Variants in SHANK1 observed in about 807,000 individuals in gnomAD.
SHANK1 encodes SH3 and multiple ankyrin repeat domains protein 1.
A neutral mutation model predicts 165.6 loss-of-function variants in SHANK1; 35 were observed. The observed-to-expected ratio is 0.21, with a 90% CI of 0.16 to 0.28. SHANK1 has a LOEUF of 0.28. SHANK1 is among the 10% of genes least tolerant of loss of function. The pLI is 1.00. For missense variants in SHANK1, 2,681 were observed against 3,036.4 expected (o/e 0.88, Z 2.75); for synonymous variants, 1,428 against 1,384.8 (o/e 1.03, Z -0.69).
In SHANK1 at chr19:50,688,067, C is replaced by T; in HGVS notation, c.2173-9G>A. On this transcript the variant is annotated splice_polypyrimidine_tract_variant and intron_variant, in intron 17 of 23. Transcript: ENST00000293441. This position sits in a 1 kb window ranked among gnomAD's most constrained non-coding sequence, Gnocchi z 6.7. ...ACATTCTGCCCGTTCACCTGTGGCA[C>T]AGACACCCCCAGATCACACAGAGTA... 1 of 1,613,828 alleles carries T rather than the reference C, an allele frequency of 6.2e-7. No homozygotes were observed. The highest frequency in any genetic ancestry group is 8.5e-7 in the Non-Finnish European group (1 of 1,179,956).
chr19:50,698,699 G>T (rs1239524463), intron 12 of SHANK1, among the ~76,000 whole-genome samples: 1 of 152,212 alleles, frequency 6.6e-6, no homozygotes, highest in Non-Finnish European at 1.5e-5. Flanking sequence ...GAACACTGAG[G>T]CTTGGAGAGC....
chr19:50,661,745 A>C lies in SHANK1; in HGVS notation c.*220T>G. On this transcript the variant is annotated 3_prime_UTR_variant, in exon 24 of 24. Transcript: ENST00000293441. ...CCCCCCTCCGCTCCCCGCTTCACAC[A>C]CACACACACACTCTTGTGTCAGCTG... 2 of 543,086 alleles carry C rather than the reference A, an allele frequency of 3.7e-6. No homozygotes were observed. Among genetic ancestry groups the C allele is most frequent in the Non-Finnish European group, 3.3e-6 (1 of 305,546 alleles). 33.6% of individuals were successfully genotyped at this position (543,086 alleles called of 1,614,324 possible).
At chr19:50,692,287 G>T (rs538982923) in intron 15 of SHANK1, among the ~76,000 whole-genome samples, 38 of 151,862 alleles carry the variant, frequency 2.5e-4, no homozygotes, top group African/African-American at 7.7e-4. Context: ...CAAGCACTTT[G>T]CATTTATATA....
rs1363778710 is a variant in SHANK1, at chr19:50,670,841, T to G, written c.2674+1177A>C. Reference sequence around the variant, plus strand: ...CAGAGTCTCGCTCTGTCGCCCAGGCTGGAGTGCAATGGTGCGATCTTTGCT... The same window carrying G: ...CAGAGTCTCGCTCTGTCGCCCAGGCGGGAGTGCAATGGTGCGATCTTTGCT... On this transcript the variant is annotated intron_variant, in intron 22 of 23. Coordinates refer to ENST00000293441, the MANE Select transcript of SHANK1 (RefSeq NM_016148.5). The surrounding 1 kb of genome is among the most constrained non-coding windows in gnomAD (Gnocchi z 4.1). 6.6e-6 allele frequency among the ~76,000 whole-genome samples: 1 copy of G among 152,098 alleles called. No homozygotes were observed. The highest frequency in any genetic ancestry group is 2.4e-5 in the African/African-American group (1 of 41,414).
intron 15 of SHANK1, among the ~76,000 whole-genome samples, chr19:50,693,862 C>G (rs1009443750): frequency 2.6e-5 from 4 of 152,128 alleles, no homozygotes; most frequent in African/African-American, 9.7e-5. Context: ...CACAGACCCC[C>G]GGGGGCAAGG....
intron 19 of SHANK1, 190 bp from the exon 20 acceptor site, chr19:50,687,002 C>G: frequency 6.8e-7 from 1 of 1,477,254 alleles, no homozygotes; most frequent in Non-Finnish European, 8.9e-7. Flanking sequence ...TCCCGCCAGT[C>G]CTGTGCCCAC....
In SHANK1 at chr19:50,661,927, G is replaced by C. The variant is rs749983025; in HGVS notation, c.*38C>G. The C allele has an allele frequency of 1.9e-6, 3 of 1,611,228 alleles. No homozygotes were observed. In the African/African-American group the frequency reaches 4.0e-5, roughly 22 times the overall value. On this transcript the variant is annotated 3_prime_UTR_variant, in exon 24 of 24. Transcript: ENST00000293441. ...GAGGTCAAGAGGCCAGCAGGCTCAA[G>C]AGTTCTGTGGACGGGGCTGGTCCGT...
At position 50,712,385 on chromosome 19, in the gene SHANK1, G is replaced by C. The variant is rs1599873159; in HGVS notation, c.793-271C>G. Among the ~76,000 whole-genome samples, 3 of 152,240 alleles carry C rather than the reference G, an allele frequency of 2.0e-5. No individual in the cohort carries two copies. In the South Asian group the frequency reaches 6.2e-4, roughly 31 times the overall value. On this transcript the variant is annotated intron_variant, in intron 6 of 23. Coordinates refer to ENST00000293441, the MANE Select transcript of SHANK1 (RefSeq NM_016148.5). ...CATCCCACCCAGCCTTCCCCCTGGG[G>C]GCGATCTTGGATGAGCCATTGAAAG...
At chr19:50,689,352 C>G (rs769034304) in intron 15 of SHANK1, 73 bp from the exon 16 acceptor site, 1 of 1,155,256 alleles carries the variant, frequency 8.7e-7, no homozygotes, top group South Asian at 1.2e-5. Context: ...CAGAGGCTGT[C>G]CCCCACCCGG....
chr19:50,667,624 G>A lies in SHANK1; in HGVS notation c.4336C>T (p.His1446Tyr), dbSNP rs759287058. 3 of 1,429,856 alleles carry A rather than the reference G, an allele frequency of 2.1e-6. No individual in the cohort carries two copies. Among genetic ancestry groups the A allele is most frequent in the Non-Finnish European group, 2.7e-6 (3 of 1,102,444 alleles). 88.6% of individuals were successfully genotyped at this position (1,429,856 alleles called of 1,614,324 possible). Reference sequence around the variant, plus strand: ...CCGGGAGCGGTGGGCGGCAGGCGGTGTAGCAGGGAACGCCGGGCGGCGGGC... The same window carrying A: ...CCGGGAGCGGTGGGCGGCAGGCGGTATAGCAGGGAACGCCGGGCGGCGGGC... ...SPPAARRSLL[H>Y]RLPPTAPGVG... The change falls in exon 23 of 24, where the codon CAC (histidine) becomes TAC (tyrosine). Residue 1446 changes from histidine (H) to tyrosine (Y), a missense_variant. Physicochemically the swap from His to Tyr is moderately conservative, Grantham distance 83. Around this residue, in one of 10 missense-constraint regions of SHANK1, gnomAD observed 1,713 missense variants for 1,630.2 expected, o/e 1.05. Transcript: ENST00000293441. This position sits in a 1 kb window ranked among gnomAD's most constrained non-coding sequence, Gnocchi z 5.7.
Position 50,661,389 on chromosome 19 carries a change from C to T in SHANK1, c.*576G>A, listed in dbSNP as rs183350005. On this transcript the variant is annotated 3_prime_UTR_variant, in exon 24 of 24. Transcript: ENST00000293441. ...AGCAAAGGCAGAATGTGCAAGACAGCGAGAGGGCAAATTTGTGCAAAATTG... is the reference window on the plus strand; with the variant it reads ...AGCAAAGGCAGAATGTGCAAGACAGTGAGAGGGCAAATTTGTGCAAAATTG... 1.3e-4 allele frequency among the ~76,000 whole-genome samples: 19 copies of T among 151,838 alleles called. No homozygotes were observed. Among genetic ancestry groups the T allele is most frequent in the South Asian group, 4.2e-4 (2 of 4,808 alleles).
At chr19:50,700,688 G>A (rs1986889779) in intron 12 of SHANK1, among the ~76,000 whole-genome samples, 1 of 152,006 alleles carries the variant, frequency 6.6e-6, no homozygotes, top group African/African-American at 2.4e-5. Flanking sequence ...AAAAACAGAA[G>A]GCAGTGTGTT....
chr19:50,686,666 G>A lies in SHANK1; in HGVS notation c.2458+78C>T, dbSNP rs1264133514. 7.3e-6 allele frequency: 10 copies of A among 1,378,898 alleles called. No homozygotes were observed. The highest frequency in any genetic ancestry group is 1.2e-5 in the South Asian group (1 of 84,668). 85.4% of individuals were successfully genotyped at this position (1,378,898 alleles called of 1,614,324 possible). ...GCAGGAAGGTGAGGGGCGCCGTGGGGTTCATGGTGGGACAGGGATGCAGCG... is the reference window on the plus strand; with the variant it reads ...GCAGGAAGGTGAGGGGCGCCGTGGGATTCATGGTGGGACAGGGATGCAGCG... On this transcript the variant is annotated intron_variant, in intron 20 of 23. Coordinates refer to ENST00000293441, the MANE Select transcript of SHANK1 (RefSeq NM_016148.5). The surrounding 1 kb of genome is among the most constrained non-coding windows in gnomAD (Gnocchi z 5.7).
intron 7 of SHANK1, among the ~76,000 whole-genome samples, chr19:50,711,733 C>T (rs1331557786): frequency 2.0e-5 from 3 of 152,342 alleles, no homozygotes; most frequent in African/African-American, 7.2e-5. Flanking sequence ...GAGGACAGCC[C>T]ATCCCTCTCA....
At chr19:50,677,022 C>T (rs937942484) in intron 21 of SHANK1, among the ~76,000 whole-genome samples, 4 of 152,104 alleles carry the variant, frequency 2.6e-5, no homozygotes, top group African/African-American at 9.7e-5. Flanking sequence ...TGAGGCCAGT[C>T]TGCAGTTGGA....
Position 50,693,290 on chromosome 19 carries a change from G to A in SHANK1, c.1964+3806C>T, listed in dbSNP as rs558962528. On this transcript the variant is annotated intron_variant, in intron 15 of 23. Transcript: ENST00000293441. ...GCTCCGAACCCTCGGTGCTCCAGCC[G>A]CCACCCCTCCCCCACTTCAGTGTCC... Among the ~76,000 whole-genome samples the A allele has an allele frequency of 4.1e-5, 4 of 98,384 alleles. No individual in the cohort carries two copies. The East Asian group carries it at 9.9e-4, about 24-fold the overall frequency. The allele number at this position is 98,384 out of a possible 152,430, so 64.5% of individuals were successfully genotyped here.
chr19:50,695,295 C>G (rs1986700057), intron 15 of SHANK1, among the ~76,000 whole-genome samples: 1 of 147,142 alleles, frequency 6.8e-6, no homozygotes, highest in Non-Finnish European at 1.5e-5. Flanking sequence ...GCGGCGGTAG[C>G]GCGAGGACCG....
rs1026265370 is a variant in SHANK1, at chr19:50,687,969, C to G, written c.2262G>C (p.Val754=). Residue 754 remains valine, a synonymous_variant, in exon 18 of 24, where the codon GTG becomes GTC. Coordinates refer to ENST00000293441, the MANE Select transcript of SHANK1 (RefSeq NM_016148.5). ...CCATGTCCGGGTGCCTGGTGACCAT[C>G]ACCACCTTCACCATCAGCGTGTTGC... ...QGGNTLMVKV[V]MVTRHPDMDE... The G allele has an allele frequency of 6.2e-7, 1 of 1,614,116 alleles. No individual in the cohort carries two copies. Among genetic ancestry groups the G allele is most frequent in the Admixed American group, 1.7e-5 (1 of 60,024 alleles).
In SHANK1 at chr19:50,716,252, T is replaced by G; in HGVS notation, c.459+23A>C. ...TTTAGGGCATGCCTTCTCTTATCAG[T>G]GAAGGAGTTGGGGAAGCTTCACCTC... On this transcript the variant is annotated intron_variant, in intron 3 of 23. Transcript: ENST00000293441. This position sits in a 1 kb window ranked among gnomAD's most constrained non-coding sequence, Gnocchi z 8.4. 6.3e-7 allele frequency: 1 copy of G among 1,596,518 alleles called. No homozygotes were observed. Among genetic ancestry groups the G allele is most frequent in the East Asian group, 2.2e-5 (1 of 44,766 alleles).
Sources: allele counts gnomAD v4.1 joint callset (sites outside exome capture counted in the v4.1 genomes callset), GRCh38; gene constraint gnomAD v4.1.1; regional missense constraint gnomAD v4.1.1; non-coding constraint Gnocchi (gnomAD v3.1); transcripts MANE v1.5; gene names NCBI Gene and HGNC (gene_info 2026-07-23, HGNC 2026-07-21).